Variants in PAPOLB observed in about 807,000 individuals in gnomAD.
The protein encoded by PAPOLB is poly(A) polymerase beta, also known as PAP-beta.
A neutral mutation model predicts 23.2 loss-of-function variants in PAPOLB; 19 were observed. The ratio of observed to expected loss-of-function variants is 0.82; its 90% CI spans 0.57 to 1.20. The LOEUF is 1.20. Among genes scored for constraint, PAPOLB ranks in the 50% most tolerant of loss-of-function variants. PAPOLB has a pLI of 0.00. For missense variants in PAPOLB, 822 were observed against 776.8 expected, an observed-to-expected ratio of 1.06 and a Z score of -0.69; for synonymous variants, 360 against 290.7, an observed-to-expected ratio of 1.24 and a Z score of -2.43.
In PAPOLB at chr7:4,860,874, G is replaced by A. The variant is rs1304491447; in HGVS notation, c.937C>T (p.Leu313Phe). ...PRVNPSDRYH[L>F]MPIITPAYPQ... is the part of the protein sequence containing the mutation. ...TATGCTGGTGTGATGATAGGCATAA[G>A]ATGGTACCTATCACTGGGATTTACT... Residue 313 changes from leucine (L) to phenylalanine (F), a missense_variant, in exon 1 of 1, where the codon CTT becomes TTT. Leu to Phe is a conservative substitution (Grantham distance 22). Coordinates refer to ENST00000404991, the MANE Select transcript of PAPOLB (RefSeq NM_020144.5). 3 of 1,613,726 alleles carry A rather than the reference G, an allele frequency of 1.9e-6. No homozygotes were observed. The Admixed American group carries it at 5.0e-5, about 27-fold the overall frequency.
chr7:4,861,136 C>G lies in PAPOLB; in HGVS notation c.675G>C (p.Leu225=), dbSNP rs904664360. The change falls in exon 1 of 1, where the codon CTG becomes CTC. Residue 225 remains leucine (L), a synonymous_variant. Transcript: ENST00000404991. ...VPNIDNFRLT[L]RAIKLWAKCH... ...ACTTGGCCCACAGTTTGATGGCTCT[C>G]AGAGTCAGCCTGAAGTTGTCAATGT... is the stretch of plus-strand genomic sequence containing the variant. The G allele has an allele frequency of 6.2e-7, 1 of 1,614,218 alleles. No homozygotes were observed. Among genetic ancestry groups the G allele is most frequent in the Admixed American group, 1.7e-5 (1 of 60,028 alleles).
Position 4,861,406 on chromosome 7 carries a change from A to C in PAPOLB, c.405T>G (p.Tyr135Ter). Residue 135 changes from tyrosine (Y) to a stop codon, truncating the protein, a stop_gained, in exon 1 of 1, where the codon TAT (tyrosine) becomes TAG (stop). Coordinates refer to ENST00000404991, the MANE Select transcript of PAPOLB (RefSeq NM_020144.5). LOFTEE classifies it high-confidence loss of function. ...CTTCCTCCTGTAGTTTCAGTTTAGCATAGAATGAGGTGAAAAAGTCGCTTC... is the reference window on the plus strand; with the variant it reads ...CTTCCTCCTGTAGTTTCAGTTTAGCCTAGAATGAGGTGAAAAAGTCGCTTC... Reference protein sequence around the residue: ...VDRSDFFTSFYAKLKLQEEVK... With the variant: ...VDRSDFFTSF 1 of 1,614,208 alleles carries C rather than the reference A, an allele frequency of 6.2e-7. No individual in the cohort carries two copies. Among genetic ancestry groups the C allele is most frequent in the Non-Finnish European group, 8.5e-7 (1 of 1,180,030 alleles).
chr7:4,857,918 C>T lies in PAPOLB; in HGVS notation c.*1979G>A, dbSNP rs1326878217. 2 of 152,500 alleles carry T rather than the reference C, an allele frequency of 1.3e-5. No individual in the cohort carries two copies. The highest frequency in any genetic ancestry group is 2.9e-5 in the Non-Finnish European group (2 of 68,010). The allele number at this position is 152,500 out of a possible 1,614,324, so 9.4% of individuals were successfully genotyped here. ...AATAAAAATTAGAAATAAAAAGTCC[C>T]AAGGTTCCAGCTTGGTAAAACAGAC... On this transcript the variant is annotated 3_prime_UTR_variant, in exon 1 of 1. Coordinates refer to ENST00000404991, the MANE Select transcript of PAPOLB (RefSeq NM_020144.5).
Position 4,861,981 on chromosome 7 carries a change from C to T in PAPOLB, c.-171G>A, listed in dbSNP as rs1784021289. 4.4e-6 allele frequency: 2 copies of T among 456,270 alleles called. No homozygotes were observed. The highest frequency in any genetic ancestry group is 7.7e-6 in the Non-Finnish European group (2 of 258,622). The allele number at this position is 456,270 out of a possible 1,614,324, so 28.3% of individuals were successfully genotyped here. A position where few individuals can be genotyped will look rare whatever the true frequency, so the allele number is the denominator to read the frequency against. ...GCTTCAGGAGCTTCTCCTCCTTCCC[C>T]TCAGCCCCAACATGGCGCCAGACCC... On this transcript the variant is annotated 5_prime_UTR_variant, in exon 1 of 1. Coordinates refer to ENST00000404991, the MANE Select transcript of PAPOLB (RefSeq NM_020144.5).
Position 4,861,242 on chromosome 7 carries a change from A to G in PAPOLB, c.569T>C (p.Leu190Pro), listed in dbSNP as rs771726702. 6.2e-7 allele frequency: 1 copy of G among 1,614,122 alleles called. No individual in the cohort carries two copies. The highest frequency in any genetic ancestry group is 1.1e-5 in the South Asian group (1 of 91,068). Residue 190 changes from leucine (L) to proline (P), a missense_variant, in exon 1 of 1, where the codon CTA becomes CCA. Physicochemically the swap from Leu to Pro is moderately conservative, Grantham distance 98 (BLOSUM62 -3). Coordinates refer to ENST00000404991, the MANE Select transcript of PAPOLB (RefSeq NM_020144.5). ...PEDLDLRDDS[L>P]LKNLDIRCIR... ...GCATCTAATGTCTAAATTTTTAAGT[A>G]GACTGTCATCTCTTAAGTCCAAATC...
chr7:4,859,360 A>G lies in PAPOLB; in HGVS notation c.*537T>C, dbSNP rs1783914451. Reference sequence around the variant, plus strand: ...TGCATATTTTCCCAACAATGCATCAAGCATAAATCCAGTCCAGATGTCAGT... The same window carrying G: ...TGCATATTTTCCCAACAATGCATCAGGCATAAATCCAGTCCAGATGTCAGT... On this transcript the variant is annotated 3_prime_UTR_variant, in exon 1 of 1. Coordinates refer to ENST00000404991, the MANE Select transcript of PAPOLB (RefSeq NM_020144.5). 1 of 153,272 alleles carries G rather than the reference A, an allele frequency of 6.5e-6. No individual in the cohort carries two copies. The highest frequency in any genetic ancestry group is 2.4e-5 in the African/African-American group (1 of 41,468). 9.5% of individuals were successfully genotyped at this position (153,272 alleles called of 1,614,324 possible).
In PAPOLB at chr7:4,859,948, T is replaced by C. The variant is rs762391623; in HGVS notation, c.1863A>G (p.Ile621Met). The C allele has an allele frequency of 3.1e-6, 5 of 1,613,994 alleles. No individual in the cohort carries two copies. The highest frequency in any genetic ancestry group is 4.2e-6 in the Non-Finnish European group (5 of 1,179,856). Reference sequence around the variant, plus strand: ...GAGTTTCCTGAAGGTCTGGATGGCTTATGAGACATGTTGAAGAAACAACTC... The same window carrying C: ...GAGTTTCCTGAAGGTCTGGATGGCTCATGAGACATGTTGAAGAAACAACTC... ...VARVVSSTCL[I>M]SHPDLQETQQ... is the part of the protein sequence containing the mutation. Residue 621 changes from isoleucine to methionine, a missense_variant, in exon 1 of 1, where the codon ATA becomes ATG. Around this residue, in one of 3 missense-constraint regions of PAPOLB, gnomAD observed 534 missense variants for 502.8 expected, o/e 1.06. Transcript: ENST00000404991.
rs1182108541 is a variant in PAPOLB at position 4,860,653 on chromosome 7, T to C, written c.1158A>G (p.Lys386=). 1.2e-6 allele frequency: 2 copies of C among 1,614,206 alleles called. No individual in the cohort carries two copies. The highest frequency in any genetic ancestry group is 1.7e-6 in the Non-Finnish European group (2 of 1,180,026). ...CCAAGCCCACCCATTCTAAATGTTG[T>C]TTTTCTGTTGATGCACTTGCCAGAA... ...IVLLASASTE[K]QHLEWVGLVE... is the part of the protein sequence containing the mutation. Residue 386 remains lysine, a synonymous_variant, in exon 1 of 1, where the codon AAA becomes AAG. Transcript: ENST00000404991.
Position 4,860,563 on chromosome 7 carries a change from A to G in PAPOLB, c.1248T>C (p.His416=). The G allele has an allele frequency of 6.2e-7, 1 of 1,614,204 alleles. No homozygotes were observed. The highest frequency in any genetic ancestry group is 1.1e-5 in the South Asian group (1 of 91,086). The part of the protein sequence containing the change: ...LEKNEFITLA[H]VNPQSFPAPK... ...GTGCTGGAAATGACTGTGGATTCAC[A>G]TGTGCCAGTGTAATAAATTCATTCT... is the stretch of plus-strand genomic sequence containing the variant. Residue 416 remains histidine, a synonymous_variant, in exon 1 of 1, where the codon CAT becomes CAC. Transcript: ENST00000404991.
In PAPOLB at chr7:4,858,609, C is replaced by A. The variant is rs1374645382; in HGVS notation, c.*1288G>T. ...GAAAATGCCTTTTTGCTTATGTGTG[C>A]AATTGGAAATTAACTTTCCTATAAG... On this transcript the variant is annotated 3_prime_UTR_variant, in exon 1 of 1. Transcript: ENST00000404991. 1 of 152,484 alleles carries A rather than the reference C, an allele frequency of 6.6e-6. No homozygotes were observed. Among genetic ancestry groups the A allele is most frequent in the Non-Finnish European group, 1.5e-5 (1 of 67,976 alleles). The allele number at this position is 152,484 out of a possible 1,614,324, so 9.4% of individuals were successfully genotyped here.
At position 4,861,834 on chromosome 7, in the gene PAPOLB, G is replaced by GCACGTCCCCCACACCGCGACCTT; in HGVS notation, c.-25_-24insAAGGTCGCGGTGTGGGGGACGTG. 1 of 1,268,418 alleles carries GCACGTCCCCCACACCGCGACCTT rather than the reference G, an allele frequency of 7.9e-7. No individual in the cohort carries two copies. 78.6% of individuals were successfully genotyped at this position (1,268,418 alleles called of 1,614,324 possible). ...ATCTTTCAGCGCCCGCCCCGCCAGGGCACGTCCCCCACCACCGCGACCTTC... is the reference window on the plus strand; with the variant it reads ...ATCTTTCAGCGCCCGCCCCGCCAGGGCACGTCCCCCACACCGCGACCTTCACGTCCCCCACCACCGCGACCTTC... On this transcript the variant is annotated 5_prime_UTR_variant, in exon 1 of 1. An upstream open reading frame in the 5' UTR loses its in-frame stop. Coordinates refer to ENST00000404991, the MANE Select transcript of PAPOLB (RefSeq NM_020144.5).
rs1444290390 is a variant in PAPOLB, at chr7:4,861,840, C to T, written c.-30G>A. ...CAGCGCCCGCCCCGCCAGGGCACGT[C>T]CCCCACCACCGCGACCTTCGCGGCC... is the stretch of plus-strand genomic sequence containing the variant. On this transcript the variant is annotated 5_prime_UTR_variant, in exon 1 of 1. Transcript: ENST00000404991. 9 of 1,405,616 alleles carry T rather than the reference C, an allele frequency of 6.4e-6. No individual in the cohort carries two copies. Among genetic ancestry groups the T allele is most frequent in the Non-Finnish European group, 8.4e-6 (9 of 1,075,374 alleles). 87.1% of individuals were successfully genotyped at this position (1,405,616 alleles called of 1,614,324 possible). A position where few individuals can be genotyped will look rare whatever the true frequency, so the allele number is the denominator to read the frequency against.
In PAPOLB at chr7:4,860,376, C is replaced by G. The variant is rs1291009485; in HGVS notation, c.1435G>C (p.Glu479Gln). 1 of 1,613,964 alleles carries G rather than the reference C, an allele frequency of 6.2e-7. No homozygotes were observed. Among genetic ancestry groups the G allele is most frequent in the Non-Finnish European group, 8.5e-7 (1 of 1,179,824 alleles). ...YRQAVNSKMF[E>Q]MGMKITAMHL... is the part of the protein sequence containing the mutation. ...ATTGCAGTAATTTTCATACCCATCTCAAACATCTTACTATTCACTGCTTGC... is the reference window on the plus strand; with the variant it reads ...ATTGCAGTAATTTTCATACCCATCTGAAACATCTTACTATTCACTGCTTGC... The change falls in exon 1 of 1, where the codon GAG (glutamate) becomes CAG (glutamine). Residue 479 changes from glutamate (E) to glutamine (Q), a missense_variant. Glu to Gln is a conservative substitution (Grantham distance 29). This residue lies in a region of PAPOLB where 534 missense variants were observed against 502.8 expected (regional missense o/e 1.06). Transcript: ENST00000404991.
rs1325442898 is a variant in PAPOLB, at chr7:4,860,983, T to C, written c.828A>G (p.Val276=). ...GGTTTGGCCATTCCCATTCTGAAAA[T>C]ACCAAGAAGAATTTCCGTACAAGAG... ...ASTLVRKFFL[V]FSEWEWPNPV... The change falls in exon 1 of 1, where the codon GTA becomes GTG. Residue 276 remains valine, a synonymous_variant. Coordinates refer to ENST00000404991, the MANE Select transcript of PAPOLB (RefSeq NM_020144.5). 1 of 1,614,176 alleles carries C rather than the reference T, an allele frequency of 6.2e-7. No homozygotes were observed. Among genetic ancestry groups the C allele is most frequent in the Non-Finnish European group, 8.5e-7 (1 of 1,180,032 alleles).
rs1163954962 is a variant in PAPOLB at position 4,861,129 on chromosome 7, T to C, written c.682A>G (p.Ile228Val). The change falls in exon 1 of 1, where the codon ATC (isoleucine) becomes GTC (valine). Residue 228 changes from isoleucine to valine, a missense_variant. Physicochemically the swap from Ile to Val is conservative, Grantham distance 29 (BLOSUM62 3). Around this residue, in one of 3 missense-constraint regions of PAPOLB, gnomAD observed 534 missense variants for 502.8 expected, o/e 1.06. Coordinates refer to ENST00000404991, the MANE Select transcript of PAPOLB (RefSeq NM_020144.5). ...TTGTGGCACTTGGCCCACAGTTTGA[T>C]GGCTCTCAGAGTCAGCCTGAAGTTG... ...IDNFRLTLRA[I>V]KLWAKCHNIY... 1.2e-6 allele frequency: 2 copies of C among 1,614,266 alleles called. No homozygotes were observed.
rs918742845 is a variant in PAPOLB, at chr7:4,860,380, C to T, written c.1431G>A (p.Met477Ile). 3.7e-6 allele frequency: 6 copies of T among 1,613,854 alleles called. No homozygotes were observed. Among genetic ancestry groups the T allele is most frequent in the African/African-American group, 2.7e-5 (2 of 74,930 alleles). The change falls in exon 1 of 1, where the codon ATG (methionine) becomes ATA (isoleucine). Residue 477 changes from methionine (M) to isoleucine (I), a missense_variant. Physicochemically the swap from Met to Ile is conservative, Grantham distance 10. Coordinates refer to ENST00000404991, the MANE Select transcript of PAPOLB (RefSeq NM_020144.5). ...CAGTAATTTTCATACCCATCTCAAA[C>T]ATCTTACTATTCACTGCTTGCCTAT... is the stretch of plus-strand genomic sequence containing the variant. The part of the protein sequence containing the change: ...TVYRQAVNSK[M>I]FEMGMKITAM...
In PAPOLB at chr7:4,859,827, T is replaced by C; in HGVS notation, c.*70A>G. 1.1e-6 allele frequency: 1 copy of C among 934,498 alleles called. No homozygotes were observed. The highest frequency in any genetic ancestry group is 1.6e-6 in the Non-Finnish European group (1 of 610,288). The allele number at this position is 934,498 out of a possible 1,614,324, so 57.9% of individuals were successfully genotyped here. ...AGTTGTACTTGTCTTTGTATTGAGT[T>C]TCTCCTCTTCCGTTTTGGTTTTCTT... On this transcript the variant is annotated 3_prime_UTR_variant, in exon 1 of 1. Transcript: ENST00000404991.
chr7:4,862,026 A>T lies in PAPOLB; in HGVS notation c.-216T>A, dbSNP rs1487670736. The T allele has an allele frequency of 5.3e-5, 22 of 418,154 alleles. No individual in the cohort carries two copies. In the Admixed American group the frequency reaches 7.8e-4, roughly 15 times the overall value. The allele number at this position is 418,154 out of a possible 1,614,324, so 25.9% of individuals were successfully genotyped here. ...AGACCCCTCAGCGGCTGCGTTCCAGAACCTACCGTACACGCGCGGGCGCCT... is the reference window on the plus strand; with the variant it reads ...AGACCCCTCAGCGGCTGCGTTCCAGTACCTACCGTACACGCGCGGGCGCCT... On this transcript the variant is annotated 5_prime_UTR_variant, in exon 1 of 1. Transcript: ENST00000404991.
In PAPOLB at chr7:4,858,228, G is replaced by C. The variant is rs1463376271; in HGVS notation, c.*1669C>G. 1.3e-5 allele frequency: 2 copies of C among 152,202 alleles called. No homozygotes were observed. The highest frequency in any genetic ancestry group is 4.8e-5 in the African/African-American group (2 of 41,464). 9.4% of individuals were successfully genotyped at this position (152,202 alleles called of 1,614,324 possible). On this transcript the variant is annotated 3_prime_UTR_variant, in exon 1 of 1. Coordinates refer to ENST00000404991, the MANE Select transcript of PAPOLB (RefSeq NM_020144.5). ...GGAAAATTAATGCAGGACAGGAAAA[G>C]AGTTTAAGTAATTGCAGTTTAACAT... is the stretch of plus-strand genomic sequence containing the variant.
Sources: gnomAD v4.1 joint callset for allele counts on GRCh38, gnomAD v4.1.1 for gene constraint, gnomAD v4.1.1 regional missense constraint, MANE v1.5 for transcripts, NCBI Gene and HGNC (gene_info 2026-07-23, HGNC 2026-07-21) for gene names.